ZDHHC2: variants seen among roughly 807,000 people sequenced by gnomAD.
ZDHHC2 encodes the protein palmitoyltransferase ZDHHC2.
ZDHHC2 carries 51 observed loss-of-function variants against 55.6 expected under a neutral mutation model. That is an observed-to-expected ratio of 0.92 (90% CI 0.73 to 1.16). The LOEUF is 1.16. Among genes scored for constraint, ZDHHC2 ranks in the 50% most tolerant of loss-of-function variants. The probability of loss-of-function intolerance (pLI) is 0.00; values close to 1 mark genes in which losing one functional copy is unlikely to be tolerated. For missense variants in ZDHHC2, 491 were observed against 442.4 expected, an observed-to-expected ratio of 1.11 and a Z score of -0.99; for synonymous variants, 199 against 152.9, an observed-to-expected ratio of 1.30 and a Z score of -2.22.
rs1276172019 is a variant in ZDHHC2 at position 17,221,986 on chromosome 8, T to TG, written c.*1765_*1766insG. 1.3e-5 allele frequency: 2 copies of TG among 149,788 alleles called. No individual in the cohort carries two copies. Among genetic ancestry groups the TG allele is most frequent in the Non-Finnish European group, 3.0e-5 (2 of 67,212 alleles). 9.3% of individuals were successfully genotyped at this position (149,788 alleles called of 1,614,324 possible). ...ATTATATGAAGTCAGGTTTGTTTTTTTTTTTTTTTTTTTTTCAAAGCACAG... is the reference window on the plus strand; with the variant it reads ...ATTATATGAAGTCAGGTTTGTTTTTTGTTTTTTTTTTTTTTTCAAAGCACAG... On this transcript the variant is annotated 3_prime_UTR_variant, in exon 13 of 13. Transcript: ENST00000262096.
At chr8:17,199,482 T>G (rs1322928890) in intron 6 of ZDHHC2, among the ~76,000 whole-genome samples, 4 of 34,638 alleles carry the variant, frequency 1.2e-4, no homozygotes, top group African/African-American at 3.1e-4. Flanking sequence ...CTTCTTCTTC[T>G]TCTTCTTCTT....
intron 1 of ZDHHC2, among the ~76,000 whole-genome samples, chr8:17,161,151 G>T (rs1206492447): frequency 6.6e-6 from 1 of 152,190 alleles, no homozygotes; most frequent in East Asian, 1.9e-4. Context: ...ATTCTGTGAA[G>T]TTATGACCTA....
intron 1 of ZDHHC2, among the ~76,000 whole-genome samples, chr8:17,180,730 C>T (rs1483357024): frequency 1.3e-5 from 2 of 152,196 alleles, no homozygotes; most frequent in African/African-American, 4.8e-5. Flanking sequence ...TTATGTAAGC[C>T]AGCAAGTGGC....
intron 10 of ZDHHC2, among the ~76,000 whole-genome samples, chr8:17,211,203 G>T (rs1363845010): frequency 6.6e-6 from 1 of 152,142 alleles, no homozygotes; most frequent in East Asian, 1.9e-4. Context: ...TGAAACACCA[G>T]TTTTTATACC....
chr8:17,201,031 G>C (rs1806734811), intron 6 of ZDHHC2, among the ~76,000 whole-genome samples: 1 of 152,224 alleles, frequency 6.6e-6, no homozygotes, highest in South Asian at 2.1e-4. Context: ...GGTGCCAGCT[G>C]AATGGAGCAG....
Position 17,195,496 on chromosome 8 carries a change from T to G in ZDHHC2, c.253-8T>G. The G allele has an allele frequency of 1.2e-6, 2 of 1,610,074 alleles. No homozygotes were observed. Among genetic ancestry groups the G allele is most frequent in the Non-Finnish European group, 1.7e-6 (2 of 1,177,762 alleles). ...AAATACTGATTAAGATTTAAATGTA[T>G]TCCACAGTTCCATCTCTCTTATGCA... On this transcript the variant is annotated splice_polypyrimidine_tract_variant and splice_region_variant and intron_variant, in intron 3 of 12. Transcript: ENST00000262096.
At chr8:17,173,689 A>AAAAG (rs1193288152) in intron 1 of ZDHHC2, among the ~76,000 whole-genome samples, 11 of 151,488 alleles carry the variant, frequency 7.3e-5, no homozygotes, top group African/African-American at 2.4e-4. Flanking sequence ...CTTAAAAAAA[A>AAAAG]AAAGAAAGAA....
At chr8:17,204,035 T>A (rs1806964287) in intron 6 of ZDHHC2, among the ~76,000 whole-genome samples, 1 of 151,764 alleles carries the variant, frequency 6.6e-6, no homozygotes. Context: ...CTTGATCTCT[T>A]GACCTTGTGG....
intron 12 of ZDHHC2, 53 bp downstream of exon 12, chr8:17,217,299 A>T (rs1807696278): frequency 8.1e-7 from 1 of 1,238,246 alleles, no homozygotes; most frequent in Non-Finnish European, 1.1e-6. Context: ...TTCTAATTTT[A>T]TTAGGGCAAA....
Position 17,223,932 on chromosome 8 carries a change from T to C in ZDHHC2, c.*3711T>C, listed in dbSNP as rs963652565. The C allele has an allele frequency of 6.6e-6, 1 of 151,768 alleles. No homozygotes were observed. Among genetic ancestry groups the C allele is most frequent in the African/African-American group, 2.4e-5 (1 of 41,412 alleles). 9.4% of individuals were successfully genotyped at this position (151,768 alleles called of 1,614,324 possible). Reference sequence around the variant, plus strand: ...ACATCACTGAAAGGATGAAATCAAGTAGGCTTGTTTCAAAGAGACTCCTGT... The same window carrying C: ...ACATCACTGAAAGGATGAAATCAAGCAGGCTTGTTTCAAAGAGACTCCTGT... On this transcript the variant is annotated 3_prime_UTR_variant, in exon 13 of 13. Transcript: ENST00000262096.
At chr8:17,184,432 T>C (rs983642607) in intron 1 of ZDHHC2, among the ~76,000 whole-genome samples, 3 of 152,226 alleles carry the variant, frequency 2.0e-5, no homozygotes, top group Non-Finnish European at 4.4e-5. Context: ...CCTGCGGAAA[T>C]GTAATGACCT....
At chr8:17,208,943 C>G (rs1807238079) in intron 8 of ZDHHC2, among the ~76,000 whole-genome samples, 2 of 152,098 alleles carry the variant, frequency 1.3e-5, no homozygotes, top group African/African-American at 4.8e-5. Flanking sequence ...ATGAAGAATG[C>G]TAAGGATCTT....
chr8:17,200,380 A>G (rs1806690824), intron 6 of ZDHHC2, among the ~76,000 whole-genome samples: 1 of 152,232 alleles, frequency 6.6e-6, no homozygotes, highest in South Asian at 2.1e-4. Context: ...AATGAACTGC[A>G]TCCAAGTTCT....
intron 6 of ZDHHC2, 83 bp downstream of exon 6, chr8:17,198,496 A>G: frequency 1.5e-6 from 2 of 1,302,040 alleles, no homozygotes; most frequent in Non-Finnish European, 2.1e-6. Flanking sequence ...AAATCTTTTC[A>G]CACATGAAAT....
At chr8:17,211,127 C>G (rs1351363310) in intron 10 of ZDHHC2, among the ~76,000 whole-genome samples, 1 of 152,130 alleles carries the variant, frequency 6.6e-6, no homozygotes, top group East Asian at 1.9e-4. Context: ...TCTGAACGTG[C>G]TACCAACTGG....
chr8:17,181,426 C>G (rs61286489), intron 1 of ZDHHC2, among the ~76,000 whole-genome samples: 2,903 of 152,258 alleles, frequency 0.019, 98 homozygotes, highest in African/African-American at 0.066. Context: ...TTCGTCGTGA[C>G]TTTGAGAATA....
At chr8:17,180,855 A>G (rs536234651) in intron 1 of ZDHHC2, among the ~76,000 whole-genome samples, 1 of 152,356 alleles carries the variant, frequency 6.6e-6, no homozygotes, top group Non-Finnish European at 1.5e-5. Context: ...AAAGTACAAT[A>G]CTAAGGAAGA....
rs139627312 is a variant in ZDHHC2, at chr8:17,194,888, G to A, written c.253-616G>A. Among the ~76,000 whole-genome samples, 783 of 152,100 alleles carry A rather than the reference G, an allele frequency of 5.1e-3. 9 individuals are homozygous for A. Among genetic ancestry groups the A allele is most frequent in the African/African-American group, 0.017 (709 of 41,494 alleles). Reference sequence around the variant, plus strand: ...CGCACATTTATAGAAATTTATACAGGTGTATGTGTGTCTGTGTGGAAGATA... The same window carrying A: ...CGCACATTTATAGAAATTTATACAGATGTATGTGTGTCTGTGTGGAAGATA... On this transcript the variant is annotated intron_variant, in intron 3 of 12. Transcript: ENST00000262096.
chr8:17,211,767 C>A (rs1460759449), intron 10 of ZDHHC2, among the ~76,000 whole-genome samples: 2 of 152,136 alleles, frequency 1.3e-5, no homozygotes, highest in African/African-American at 4.8e-5. Flanking sequence ...ATATATTTCA[C>A]AGGGACATTC....
Sources: gnomAD v4.1 joint callset for allele counts (sites outside exome capture counted in the v4.1 genomes callset) on GRCh38, gnomAD v4.1.1 for gene constraint, MANE v1.5 for transcripts, NCBI Gene and HGNC (gene_info 2026-07-23, HGNC 2026-07-21) for gene names.